Variants in KIAA1217 observed in about 807,000 individuals in gnomAD.
KIAA1217 encodes sickle tail protein homolog.
Under a neutral mutation model 163.9 loss-of-function variants are expected in KIAA1217, and 88 were observed. That is an observed-to-expected ratio of 0.54 (90% CI 0.45 to 0.64). KIAA1217 has a LOEUF of 0.64. KIAA1217 is among the 30% of genes least tolerant of loss of function. The probability of loss-of-function intolerance (pLI) is 0.00; values close to 1 mark genes in which losing one functional copy is unlikely to be tolerated. For synonymous variants in KIAA1217, 903 were observed against 923.1 expected, an observed-to-expected ratio of 0.98 and a Z score of 0.39; for missense variants, 2,372 against 2,475.0, an observed-to-expected ratio of 0.96 and a Z score of 0.88.
At chr10:24,315,931 G>T (rs907586023) in intron 2 of KIAA1217, among the ~76,000 whole-genome samples, 3 of 66,832 alleles carry the variant, frequency 4.5e-5, no homozygotes, top group Non-Finnish European at 1.0e-4. Flanking sequence ...TTATCTAATG[G>T]GGGGGGGGAA....
intron 1 of KIAA1217, among the ~76,000 whole-genome samples, chr10:23,796,628 G>A (rs910299034): frequency 1.3e-5 from 2 of 152,070 alleles, no homozygotes; most frequent in African/African-American, 4.8e-5. Context: ...CTCCCAAAGT[G>A]CTGGGATTAT....
At chr10:24,525,650 A>C (rs969091802) in intron 13 of KIAA1217, among the ~76,000 whole-genome samples, 4 of 152,186 alleles carry the variant, frequency 2.6e-5, no homozygotes, top group African/African-American at 9.6e-5. Context: ...CTAAGAATGA[A>C]CGGTAGAGCA....
chr10:24,309,696 C>G (rs1317303474), intron 2 of KIAA1217, among the ~76,000 whole-genome samples: 2 of 152,174 alleles, frequency 1.3e-5, no homozygotes, highest in Non-Finnish European at 2.9e-5. Context: ...TAAGTAACCT[C>G]TGGTTCCCTC....
intron 2 of KIAA1217, among the ~76,000 whole-genome samples, chr10:24,366,557 G>C (rs997057340): frequency 1.3e-5 from 2 of 152,232 alleles, no homozygotes; most frequent in Non-Finnish European, 2.9e-5. Flanking sequence ...GGGTCCACCA[G>C]GTTCAAATAT....
chr10:24,100,948 G>A (rs2062389323), intron 2 of KIAA1217, among the ~76,000 whole-genome samples: 1 of 152,154 alleles, frequency 6.6e-6, no homozygotes, highest in African/African-American at 2.4e-5. Context: ...TATGCCCAAG[G>A]AACCTGGGAT....
chr10:24,479,808 G>A (rs1156613997), intron 6 of KIAA1217, among the ~76,000 whole-genome samples: 2 of 152,108 alleles, frequency 1.3e-5, no homozygotes, highest in African/African-American at 4.8e-5. Context: ...TCTGAGGGGG[G>A]TCTGGTTTCC....
intron 1 of KIAA1217, among the ~76,000 whole-genome samples, chr10:23,746,215 A>T (rs1839407010): frequency 6.6e-6 from 1 of 152,100 alleles, no homozygotes; most frequent in Non-Finnish European, 1.5e-5. Context: ...AGAATCTGGC[A>T]CCTCCATCCC....
intron 2 of KIAA1217, among the ~76,000 whole-genome samples, chr10:24,299,701 GT>G (rs1286424878): frequency 1.3e-5 from 2 of 152,238 alleles, no homozygotes; most frequent in East Asian, 3.9e-4. Context: ...ACTCAATCTA[GT>G]TTTTTCCTTT....
At chr10:23,824,656 A>ATATATATATATAT (rs1564453885) in intron 1 of KIAA1217, among the ~76,000 whole-genome samples, 3 of 82,318 alleles carry the variant, frequency 3.6e-5, no homozygotes, top group Admixed American at 1.2e-4. Flanking sequence ...AAAAATAAAA[A>ATATATATATATAT]AAATATATAT....
At chr10:24,408,773 T>C (rs759690291) in intron 3 of KIAA1217, among the ~76,000 whole-genome samples, 6 of 152,342 alleles carry the variant, frequency 3.9e-5, no homozygotes, top group Admixed American at 1.3e-4. Context: ...AAGGGCTCTC[T>C]GGCCACAATC....
intron 2 of KIAA1217, among the ~76,000 whole-genome samples, chr10:24,319,096 G>T (rs954036940): frequency 3.9e-5 from 6 of 152,162 alleles, no homozygotes; most frequent in Non-Finnish European, 8.8e-5. Context: ...AGCGCTTTGG[G>T]GCCGGGCGTG....
intron 5 of KIAA1217, among the ~76,000 whole-genome samples, chr10:24,456,075 A>G (rs758377208): frequency 3.9e-5 from 6 of 151,938 alleles, no homozygotes; most frequent in Non-Finnish European, 8.8e-5. Flanking sequence ...TTGTAGAGGT[A>G]GGGTTTCACC....
chr10:23,790,237 ATATG>A (rs1444033762), intron 1 of KIAA1217, among the ~76,000 whole-genome samples: 2 of 116,428 alleles, frequency 1.7e-5, no homozygotes, highest in Non-Finnish European at 3.5e-5. Context: ...GCACATATGC[ATATG>A]CACATATGCA....
At chr10:24,361,314 A>G (rs1564537677) in intron 2 of KIAA1217, among the ~76,000 whole-genome samples, 1 of 152,046 alleles carries the variant, frequency 6.6e-6, no homozygotes, top group Non-Finnish European at 1.5e-5. Flanking sequence ...CAGCCTCCCA[A>G]GTAGTTGGTA....
intron 2 of KIAA1217, among the ~76,000 whole-genome samples, chr10:24,379,552 G>A (rs1211783863): frequency 6.6e-6 from 1 of 152,144 alleles, no homozygotes; most frequent in Non-Finnish European, 1.5e-5. Context: ...GTCCTGAGAG[G>A]CATGTAGGAA....
chr10:24,473,070 A>G (rs2063698920), intron 5 of KIAA1217, among the ~76,000 whole-genome samples, 158 bp from the exon 6 acceptor site: 1 of 152,202 alleles, frequency 6.6e-6, no homozygotes, highest in Admixed American at 6.5e-5. Flanking sequence ...ACTTCACCCC[A>G]TCTGCAAAGT....
At chr10:23,957,925 G>C (rs1287563589) in intron 1 of KIAA1217, among the ~76,000 whole-genome samples, 1 of 152,174 alleles carries the variant, frequency 6.6e-6, no homozygotes, top group African/African-American at 2.4e-5. Context: ...GCTGACTGCT[G>C]TGTCCTCAGC....
chr10:24,531,926 C>G lies in KIAA1217; in HGVS notation c.3179C>G (p.Ser1060Trp). The G allele has an allele frequency of 1.9e-6, 3 of 1,610,132 alleles. No individual in the cohort carries two copies. The highest frequency in any genetic ancestry group is 2.5e-6 in the Non-Finnish European group (3 of 1,177,698). ...PPPRRSYLPG[S>W]GLTTTRSGDV... is the part of the protein sequence containing the mutation. ...CCTCGTCGAAGCTACCTGCCAGGAT[C>G]GGGACTCACCACCACGAGGTCAGGC... Residue 1060 changes from serine (S) to tryptophan (W), a missense_variant, in exon 15 of 21, where the codon TCG becomes TGG. Physicochemically the swap from Ser to Trp is radical, Grantham distance 177 (BLOSUM62 -3). Transcript: ENST00000376454.
intron 2 of KIAA1217, among the ~76,000 whole-genome samples, chr10:24,072,220 G>T (rs1328317529): frequency 6.6e-6 from 1 of 151,846 alleles, no homozygotes. Context: ...AGAGATGGGG[G>T]TCTCACTATG....
Sources: gnomAD v4.1 joint callset for allele counts (sites outside exome capture counted in the v4.1 genomes callset) on GRCh38, gnomAD v4.1.1 for gene constraint, MANE v1.5 for transcripts, NCBI Gene and HGNC (gene_info 2026-07-23, HGNC 2026-07-21) for gene names.